The following TAFA5 variants were observed in gnomAD, a reference collection of about 807,000 sequenced individuals.
TAFA5 encodes TAFA chemokine like family member 5.
Under a neutral mutation model 15.3 loss-of-function variants are expected in TAFA5, and 6 were observed. The ratio of observed to expected loss-of-function variants is 0.39; its 90% CI spans 0.21 to 0.77. TAFA5 has a LOEUF of 0.77. Among genes scored for constraint, TAFA5 ranks in the 30% least tolerant of loss-of-function variants. The probability of loss-of-function intolerance (pLI) is 0.41; values close to 1 mark genes in which losing one functional copy is unlikely to be tolerated. For missense variants in TAFA5, 161 were observed against 193.1 expected, an observed-to-expected ratio of 0.83 and a Z score of 0.98; for synonymous variants, 103 against 80.7, an observed-to-expected ratio of 1.28 and a Z score of -1.48.
chr22:48,702,541 T>C (rs11204507), intron 2 of TAFA5, among the ~76,000 whole-genome samples: 6,154 of 152,104 alleles, frequency 0.04, 397 homozygotes, highest in African/African-American at 0.13. Context: ...CATGAGACCC[T>C]GTGCCCTTTA....
At position 48,637,034 on chromosome 22, in the gene TAFA5, G is replaced by A. The variant is rs146429389; in HGVS notation, c.113-9563G>A. 3.1e-3 allele frequency among the ~76,000 whole-genome samples: 473 copies of A among 152,296 alleles called. 3 individuals carry two copies. Among genetic ancestry groups the A allele is most frequent in the African/African-American group, 0.011 (448 of 41,574 alleles). ...TGCCAGATGATGTGCCTGGCCAGCT[G>A]CAGGGGCCCTGGCTCGGGGCTTCTG... On this transcript the variant is annotated intron_variant, in intron 1 of 3. Transcript: ENST00000402357.
At chr22:48,517,987 C>T (rs1569165585) in intron 1 of TAFA5, among the ~76,000 whole-genome samples, 1 of 152,208 alleles carries the variant, frequency 6.6e-6, no homozygotes, top group Non-Finnish European at 1.5e-5. Context: ...GCAGCAGGCT[C>T]CGGGGGCCCA....
chr22:48,524,990 T>C (rs1921730322), intron 1 of TAFA5, among the ~76,000 whole-genome samples: 2 of 152,214 alleles, frequency 1.3e-5, no homozygotes, highest in South Asian at 2.1e-4. Context: ...CTTCAGAGCC[T>C]GTAGAGCCGC....
intron 1 of TAFA5, among the ~76,000 whole-genome samples, chr22:48,527,879 C>T (rs1339717107): frequency 1.3e-5 from 2 of 152,330 alleles, no homozygotes; most frequent in East Asian, 1.9e-4. Context: ...GCTTCAGGCC[C>T]GTGTTACATG....
At chr22:48,680,663 T>G (rs1340038632) in intron 2 of TAFA5, among the ~76,000 whole-genome samples, 1 of 152,218 alleles carries the variant, frequency 6.6e-6, no homozygotes, top group African/African-American at 2.4e-5. Flanking sequence ...GCCAGGCCCC[T>G]TGTGCATGCC....
At chr22:48,628,843 C>T (rs918729635) in intron 1 of TAFA5, among the ~76,000 whole-genome samples, 7 of 152,346 alleles carry the variant, frequency 4.6e-5, no homozygotes, top group African/African-American at 1.7e-4. Flanking sequence ...CCAATCCTTA[C>T]GTGTGCCAGC....
intron 3 of TAFA5, among the ~76,000 whole-genome samples, chr22:48,717,920 C>T (rs1051115327): frequency 5.3e-5 from 8 of 152,240 alleles, no homozygotes; most frequent in Non-Finnish European, 1.2e-4. Flanking sequence ...GAATAAGGCC[C>T]CAGGCTGGGC....
intron 1 of TAFA5, among the ~76,000 whole-genome samples, chr22:48,592,512 C>A (rs532025182): frequency 1.3e-5 from 2 of 152,226 alleles, no homozygotes; most frequent in Non-Finnish European, 2.9e-5. Flanking sequence ...AGGTCTCTTC[C>A]CCCTCCTGCT....
chr22:48,551,262 C>A (rs1922845749), intron 1 of TAFA5, among the ~76,000 whole-genome samples: 1 of 152,136 alleles, frequency 6.6e-6, no homozygotes, highest in Non-Finnish European at 1.5e-5. Flanking sequence ...GCAGGGAGCC[C>A]CCCAGGTCAG....
At chr22:48,617,353 A>G (rs1184296467) in intron 1 of TAFA5, among the ~76,000 whole-genome samples, 2 of 151,690 alleles carry the variant, frequency 1.3e-5, no homozygotes, top group African/African-American at 4.8e-5. Context: ...CTCCCCAGAG[A>G]CCTTAGAAGA....
intron 2 of TAFA5, among the ~76,000 whole-genome samples, chr22:48,662,869 C>T (rs993988305): frequency 6.6e-6 from 1 of 152,204 alleles, no homozygotes; most frequent in African/African-American, 2.4e-5. Flanking sequence ...CTCCCCCAAT[C>T]CTTGCCCTCC....
chr22:48,589,823 C>T (rs1432179061), intron 1 of TAFA5, among the ~76,000 whole-genome samples: 2 of 150,302 alleles, frequency 1.3e-5, no homozygotes, highest in Non-Finnish European at 3.0e-5. Flanking sequence ...TTAGAGGAAG[C>T]GCAGGCCCAA....
At chr22:48,640,600 C>A (rs1926638992) in intron 1 of TAFA5, among the ~76,000 whole-genome samples, 1 of 148,702 alleles carries the variant, frequency 6.7e-6, no homozygotes, top group Non-Finnish European at 1.5e-5. Context: ...TACCCCGGGG[C>A]CATTTCTTGC....
intron 1 of TAFA5, among the ~76,000 whole-genome samples, chr22:48,640,543 G>A (rs1926635307): frequency 6.6e-6 from 1 of 151,974 alleles, no homozygotes; most frequent in Non-Finnish European, 1.5e-5. Flanking sequence ...AGCTGGGTGG[G>A]CAGGGCAGGG....
chr22:48,705,384 C>A (rs917665678), intron 2 of TAFA5, among the ~76,000 whole-genome samples: 3 of 152,180 alleles, frequency 2.0e-5, no homozygotes, highest in Admixed American at 1.3e-4. Context: ...CCCCCCTTGT[C>A]GGAACTGAGG....
intron 3 of TAFA5, among the ~76,000 whole-genome samples, chr22:48,732,766 G>C (rs545837950): frequency 6.6e-6 from 1 of 152,306 alleles, no homozygotes; most frequent in South Asian, 2.1e-4. Context: ...TTCATGAAAG[G>C]AGAGTCAATC....
intron 1 of TAFA5, among the ~76,000 whole-genome samples, chr22:48,608,955 A>G (rs1925299061): frequency 6.6e-6 from 1 of 152,212 alleles, no homozygotes; most frequent in Admixed American, 6.5e-5. Flanking sequence ...CGTCAACTGG[A>G]CATTGGACAT....
At chr22:48,609,746 C>G (rs150358019) in intron 1 of TAFA5, among the ~76,000 whole-genome samples, 58 of 152,308 alleles carry the variant, frequency 3.8e-4, no homozygotes, top group African/African-American at 1.3e-3. Flanking sequence ...GGCCGGGGGT[C>G]TGGCATCAGG....
At chr22:48,661,702 C>G (rs572525927) in intron 2 of TAFA5, among the ~76,000 whole-genome samples, 1 of 152,214 alleles carries the variant, frequency 6.6e-6, no homozygotes, top group Non-Finnish European at 1.5e-5. Flanking sequence ...GGACAGCGTC[C>G]TCCTCCCTGC....
Sources: allele counts gnomAD v4.1 joint callset (sites outside exome capture counted in the v4.1 genomes callset), GRCh38; gene constraint gnomAD v4.1.1; transcripts MANE v1.5; gene names NCBI Gene and HGNC (gene_info 2026-07-23, HGNC 2026-07-21).